Variants in SKA1 observed in about 807,000 individuals in gnomAD.
The protein encoded by SKA1 is SKA complex subunit 1.
Under a neutral mutation model 31.8 loss-of-function variants are expected in SKA1, and 20 were observed. That is an observed-to-expected ratio of 0.63 (90% CI 0.44 to 0.91). SKA1 has a LOEUF of 0.91. SKA1 is among the 40% of genes least tolerant of loss of function. The pLI is 0.00. For synonymous variants in SKA1, 88 were observed against 100.5 expected (o/e 0.88, Z 0.74); for missense variants, 253 against 298.2 (o/e 0.85, Z 1.12).
chr18:50,380,637 C>G (rs921289973), intron 3 of SKA1, among the ~76,000 whole-genome samples: 3 of 152,158 alleles, frequency 2.0e-5, no homozygotes, highest in African/African-American at 7.2e-5. Context: ...GTTGGGGTTT[C>G]AAGAACCTCA....
chr18:50,380,014 T>C, intron 2 of SKA1, 112 bp from the exon 3 acceptor site: 3 of 873,176 alleles, frequency 3.4e-6, no homozygotes, highest in Non-Finnish European at 4.9e-6. Flanking sequence ...GCAGTAGACC[T>C]TTTTCCACCC....
intron 6 of SKA1, 76 bp from the exon 7 acceptor site, chr18:50,392,023 A>G: frequency 8.7e-7 from 1 of 1,151,666 alleles, no homozygotes; most frequent in Non-Finnish European, 1.2e-6. Flanking sequence ...TACCATTCAT[A>G]TTCACAACTT....
chr18:50,376,890 G>A (rs2041221385), intron 2 of SKA1, among the ~76,000 whole-genome samples: 2 of 151,012 alleles, frequency 1.3e-5, no homozygotes, highest in African/African-American at 4.9e-5. Context: ...GCCTATGCAG[G>A]GTCAGGATCA....
chr18:50,389,739 G>T lies in SKA1; in HGVS notation c.450-1385G>T, dbSNP rs117033921. ...AGCTTTATTTTCATGAAAACTGTTT[G>T]ATGCTCTGATGCTATTCAGCTTTGA... On this transcript the variant is annotated intron_variant, in intron 5 of 6. Coordinates refer to ENST00000285116, the MANE Select transcript of SKA1 (RefSeq NM_145060.4). Among the ~76,000 whole-genome samples the T allele has an allele frequency of 4.9e-4, 75 of 152,272 alleles. 1 individual carries two copies. In the East Asian group the frequency reaches 0.012, roughly 25 times the overall value.
chr18:50,383,591 A>C lies in SKA1; in HGVS notation c.311+1365A>C, dbSNP rs567132647. ...CCCATCACCTCGGTGAGGACTTGGC[A>C]TCTTTATCCTGTCTTGCTCTTTCTC... is the stretch of plus-strand genomic sequence containing the variant. On this transcript the variant is annotated intron_variant, in intron 4 of 6. Coordinates refer to ENST00000285116, the MANE Select transcript of SKA1 (RefSeq NM_145060.4). 2.6e-5 allele frequency among the ~76,000 whole-genome samples: 4 copies of C among 152,204 alleles called. No homozygotes were observed. In the South Asian group the frequency reaches 8.3e-4, roughly 32 times the overall value.
intron 2 of SKA1, among the ~76,000 whole-genome samples, chr18:50,377,276 T>C (rs949501628): frequency 6.6e-6 from 1 of 152,094 alleles, no homozygotes; most frequent in Admixed American, 6.5e-5. Context: ...CACAAGGCAA[T>C]AGGAATGTTT....
chr18:50,389,639 C>T (rs1232161523), intron 5 of SKA1, among the ~76,000 whole-genome samples: 1 of 152,072 alleles, frequency 6.6e-6, no homozygotes, highest in Admixed American at 6.5e-5. Flanking sequence ...TCAAGTGATC[C>T]ACCTGCCTCG....
In SKA1 at chr18:50,392,313, T is replaced by G. The variant is rs1044311482; in HGVS notation, c.*66T>G. ...TATAGAGGCTATTTCTATAATTTTC[T>G]TATATATAATTTTTTTAACTTTTAA... On this transcript the variant is annotated 3_prime_UTR_variant, in exon 7 of 7. Transcript: ENST00000285116. 3.8e-6 allele frequency: 4 copies of G among 1,045,018 alleles called. No homozygotes were observed. In the African/African-American group the frequency reaches 5.0e-5, roughly 13 times the overall value. 64.7% of individuals were successfully genotyped at this position (1,045,018 alleles called of 1,614,324 possible).
At chr18:50,388,288 C>G (rs575627241) in intron 5 of SKA1, among the ~76,000 whole-genome samples, 1 of 152,254 alleles carries the variant, frequency 6.6e-6, no homozygotes, top group East Asian at 1.9e-4. Context: ...GACGGGGTTT[C>G]ACCATGTTAG....
At position 50,382,582 on chromosome 18, in the gene SKA1, C is replaced by T. The variant is rs117341740; in HGVS notation, c.311+356C>T. Among the ~76,000 whole-genome samples, 623 of 151,440 alleles carry T rather than the reference C, an allele frequency of 4.1e-3. 1 individual carries two copies. The highest frequency in any genetic ancestry group is 6.2e-3 in the Non-Finnish European group (421 of 67,894). Reference sequence around the variant, plus strand: ...ATTGAGTAGTGTTCTTGATCTCTGCCTACTAGATTCTGGTAGCATCCCTCC... The same window carrying T: ...ATTGAGTAGTGTTCTTGATCTCTGCTTACTAGATTCTGGTAGCATCCCTCC... On this transcript the variant is annotated intron_variant, in intron 4 of 6. Coordinates refer to ENST00000285116, the MANE Select transcript of SKA1 (RefSeq NM_145060.4).
intron 2 of SKA1, 67 bp downstream of exon 2, chr18:50,375,985 ATATCT>A (rs1192149356): frequency 6.0e-5 from 60 of 995,346 alleles, no homozygotes; most frequent in Non-Finnish European, 8.0e-5. Flanking sequence ...ACTCTGAATG[ATATCT>A]TTGCTTGGTT....
Position 50,375,927 on chromosome 18 carries a change from AAC to A in SKA1, c.88+11_88+12del, listed in dbSNP as rs757079806. On this transcript the variant is annotated intron_variant, in intron 2 of 6. Transcript: ENST00000285116. ...ATCATTAAGAAACTGTGGTAAGTAA[AAC>A]AGATTCCACTGACTTTGTATATACA... 74 of 1,509,978 alleles carry A rather than the reference AAC, an allele frequency of 4.9e-5. No individual in the cohort carries two copies. Among genetic ancestry groups the A allele is most frequent in the Non-Finnish European group, 6.3e-5 (69 of 1,093,566 alleles). 93.5% of individuals were successfully genotyped at this position (1,509,978 alleles called of 1,614,324 possible).
chr18:50,377,141 T>A (rs1028006590), intron 2 of SKA1, among the ~76,000 whole-genome samples: 1 of 152,204 alleles, frequency 6.6e-6, no homozygotes, highest in African/African-American at 2.4e-5. Flanking sequence ...TATCAATTAT[T>A]ATGTACTATA....
chr18:50,378,723 G>A (rs1215777270), intron 2 of SKA1, among the ~76,000 whole-genome samples: 2 of 150,802 alleles, frequency 1.3e-5, no homozygotes, highest in Non-Finnish European at 2.9e-5. Context: ...TAAAATTTAG[G>A]TGACTAAAAG....
chr18:50,377,319 A>G (rs545689035), intron 2 of SKA1, among the ~76,000 whole-genome samples: 2 of 152,150 alleles, frequency 1.3e-5, no homozygotes, highest in Non-Finnish European at 2.9e-5. Context: ...GGCCACTGTC[A>G]TATTTATGGT....
At chr18:50,391,433 T>G in intron 6 of SKA1, 140 bp downstream of exon 6, 1 of 885,766 alleles carries the variant, frequency 1.1e-6, no homozygotes, top group Non-Finnish European at 1.6e-6. Flanking sequence ...CAGGAGACAT[T>G]TTACCATGTC....
chr18:50,385,254 A>G lies in SKA1; in HGVS notation c.350A>G (p.Lys117Arg). 1 of 1,613,676 alleles carries G rather than the reference A, an allele frequency of 6.2e-7. No homozygotes were observed. The highest frequency in any genetic ancestry group is 8.5e-7 in the Non-Finnish European group (1 of 1,179,784). The change falls in exon 5 of 7, where the codon AAA becomes AGA. Residue 117 changes from lysine (K) to arginine (R), a missense_variant. Transcript: ENST00000285116. ...GSDLDPEEPI[K>R]VEEPEPVKKP... ...GATCTTGATCCTGAAGAACCAATCA[A>G]AGTTGAAGAACCTGAACCCGTAAAG...
chr18:50,391,864 C>T (rs2041359887), intron 6 of SKA1, among the ~76,000 whole-genome samples: 2 of 152,312 alleles, frequency 1.3e-5, no homozygotes, highest in South Asian at 4.1e-4. Flanking sequence ...CACATTGCCT[C>T]TTGAAAAGTG....
chr18:50,385,419 G>A, intron 5 of SKA1, 66 bp downstream of exon 5: 2 of 1,300,868 alleles, frequency 1.5e-6, no homozygotes, highest in South Asian at 1.6e-5. Context: ...AAATAATAAA[G>A]CTTAATTATA....
Sources: allele counts gnomAD v4.1 joint callset (sites outside exome capture counted in the v4.1 genomes callset), GRCh38; gene constraint gnomAD v4.1.1; transcripts MANE v1.5; gene names NCBI Gene and HGNC (gene_info 2026-07-23, HGNC 2026-07-21).